CALHM3: variants seen among roughly 807,000 people sequenced by gnomAD.
CALHM3 encodes calcium homeostasis modulator 3, also known as calcium homeostasis modulator protein 3.
A neutral mutation model predicts 13.6 loss-of-function variants in CALHM3; 9 were observed. That is an observed-to-expected ratio of 0.66 (90% CI 0.40 to 1.15). The LOEUF is 1.15. Ranked by LOEUF, CALHM3 falls within the 50% of genes most tolerant of loss-of-function variation. The pLI, the probability that CALHM3 is intolerant of heterozygous loss-of-function variation, is 0.01. For missense variants in CALHM3, 497 were observed against 463.4 expected (o/e 1.07, Z -0.67); for synonymous variants, 231 against 213.2 (o/e 1.08, Z -0.73).
chr10:103,474,153 G>A (rs11191700), intron 2 of CALHM3, among the ~76,000 whole-genome samples: 1,568 of 152,120 alleles, frequency 0.01, 23 homozygotes, highest in African/African-American at 0.036. Context: ...TCAGTCATCC[G>A]TCCTGCCAAC....
At position 103,473,666 on chromosome 10, in the gene CALHM3, C is replaced by G; in HGVS notation, c.582G>C (p.Ala194=). 1 of 1,550,330 alleles carries G rather than the reference C, an allele frequency of 6.5e-7. No individual in the cohort carries two copies. The highest frequency in any genetic ancestry group is 1.2e-5 in the South Asian group (1 of 84,040). The stretch of plus-strand genomic sequence containing the variant: ...GCCTCAGGCAGCGGGCCAGGAAGGC[C>G]GCGATGATCAGCAGCAGGGTGACGC... ...GWSVTLLLII[A]AFLARCLRPC... Residue 194 remains alanine, a synonymous_variant, in exon 3 of 3, where the codon GCG becomes GCC. Coordinates refer to ENST00000369783, the MANE Select transcript of CALHM3 (RefSeq NM_001129742.2).
chr10:103,475,956 C>T (rs1470401246), intron 2 of CALHM3, among the ~76,000 whole-genome samples: 41 of 152,176 alleles, frequency 2.7e-4, no homozygotes, highest in Admixed American at 2.7e-3. Flanking sequence ...TGACTTTGGC[C>T]TTATGAACTA....
intron 1 of CALHM3, 84 bp downstream of exon 1, chr10:103,478,662 T>A: frequency 7.4e-7 from 1 of 1,352,206 alleles, no homozygotes; most frequent in Non-Finnish European, 9.9e-7. Context: ...GGTTGGGGTC[T>A]GGGGGTGCAC....
Position 103,473,360 on chromosome 10 carries a change from C to T in CALHM3, c.888G>A (p.Glu296=). 6.7e-7 allele frequency: 1 copy of T among 1,500,290 alleles called. No homozygotes were observed. The highest frequency in any genetic ancestry group is 2.5e-5 in the East Asian group (1 of 40,178). 92.9% of individuals were successfully genotyped at this position (1,500,290 alleles called of 1,614,324 possible). The change falls in exon 3 of 3, where the codon GAG becomes GAA. Residue 296 remains glutamate (E), a synonymous_variant. Transcript: ENST00000369783. The part of the protein sequence containing the change: ...KAHLRAISSR[E]QVDRLLSTWY... ...ACGTGCTTAGGAGGCGGTCCACCTG[C>T]TCCCGGCTGGAGATTGCGCGCAGGT...
At position 103,473,510 on chromosome 10, in the gene CALHM3, G is replaced by A. The variant is rs1239250411; in HGVS notation, c.738C>T (p.Phe246=). 2.6e-6 allele frequency: 4 copies of A among 1,551,022 alleles called. No individual in the cohort carries two copies. The highest frequency in any genetic ancestry group is 3.5e-6 in the Non-Finnish European group (4 of 1,146,910). The part of the protein sequence containing the change: ...RDFAHRCVLH[F]FASMRSELQA... ...GCAGCTCACTCCGCATGCTGGCAAAGAAGTGCAGCACGCAGCGGTGCGCGA... is the reference window on the plus strand; with the variant it reads ...GCAGCTCACTCCGCATGCTGGCAAAAAAGTGCAGCACGCAGCGGTGCGCGA... Residue 246 remains phenylalanine (F), a synonymous_variant, in exon 3 of 3, where the codon TTC becomes TTT. Coordinates refer to ENST00000369783, the MANE Select transcript of CALHM3 (RefSeq NM_001129742.2).
chr10:103,478,938 TTGACGG>T lies in CALHM3; in HGVS notation c.89_94del (p.Thr30_Val31del). 6.4e-7 allele frequency: 1 copy of T among 1,551,706 alleles called. No individual in the cohort carries two copies. Among genetic ancestry groups the T allele is most frequent in the Non-Finnish European group, 8.7e-7 (1 of 1,146,980 alleles). On this transcript the variant is annotated inframe_deletion, in exon 1 of 3. Transcript: ENST00000369783. Reference sequence around the variant, plus strand: ...GTTGAAGTCAAAGGAGGAGTACAGCTTGACGGTGACCGCAGCCAGCAGCAGGCAGAT... The same window carrying T: ...GTTGAAGTCAAAGGAGGAGTACAGCTTGACCGCAGCCAGCAGCAGGCAGAT...
intron 2 of CALHM3, among the ~76,000 whole-genome samples, chr10:103,475,008 G>T (rs1259300213): frequency 6.6e-6 from 1 of 152,178 alleles, no homozygotes; most frequent in Non-Finnish European, 1.5e-5. Context: ...AAGACTGAAG[G>T]CTGAACGACA....
intron 2 of CALHM3, among the ~76,000 whole-genome samples, chr10:103,475,314 A>C (rs1159459021): frequency 2.0e-5 from 3 of 152,190 alleles, no homozygotes; most frequent in African/African-American, 7.2e-5. Flanking sequence ...CCCCAACATC[A>C]CCAGATTTAA....
At position 103,473,344 on chromosome 10, in the gene CALHM3, G is replaced by A. The variant is rs1449680432; in HGVS notation, c.904C>T (p.Leu302=). 19 of 1,505,828 alleles carry A rather than the reference G, an allele frequency of 1.3e-5. No individual in the cohort carries two copies. The highest frequency in any genetic ancestry group is 2.8e-5 in the African/African-American group (2 of 71,674). 93.3% of individuals were successfully genotyped at this position (1,505,828 alleles called of 1,614,324 possible). The part of the protein sequence containing the change: ...ISSREQVDRL[L]STWYSSKPPL... ...GGCTTGCTGGAGTACCACGTGCTTA[G>A]GAGGCGGTCCACCTGCTCCCGGCTG... is the stretch of plus-strand genomic sequence containing the variant. Residue 302 remains leucine, a synonymous_variant, in exon 3 of 3, where the codon CTA becomes TTA. Coordinates refer to ENST00000369783, the MANE Select transcript of CALHM3 (RefSeq NM_001129742.2).
intron 2 of CALHM3, 82 bp downstream of exon 2, chr10:103,476,212 T>C: frequency 6.6e-7 from 1 of 1,518,696 alleles, no homozygotes; most frequent in South Asian, 1.3e-5. Context: ...CTGTCCCTCC[T>C]CACCACCCCC....
At chr10:103,477,781 C>G (rs2033407118) in intron 1 of CALHM3, among the ~76,000 whole-genome samples, 1 of 152,084 alleles carries the variant, frequency 6.6e-6, no homozygotes, top group African/African-American at 2.4e-5. Context: ...CCATGTTGGC[C>G]AGAGTGGTCT....
intron 1 of CALHM3, among the ~76,000 whole-genome samples, chr10:103,477,083 G>C (rs1206095760): frequency 6.6e-6 from 1 of 152,164 alleles, no homozygotes; most frequent in Admixed American, 6.5e-5. Context: ...GAAGGATTAA[G>C]CCCCAGTTGC....
chr10:103,473,044 CGCT>C lies in CALHM3; in HGVS notation c.*166_*168del. ...AGTCCACATTAAAGTTTGTGAAGCG[CGCT>C]GGAGGCCACACCCAGAAACTAGGCA... On this transcript the variant is annotated 3_prime_UTR_variant, in exon 3 of 3. Coordinates refer to ENST00000369783, the MANE Select transcript of CALHM3 (RefSeq NM_001129742.2). 4.6e-6 allele frequency: 3 copies of C among 649,798 alleles called. No homozygotes were observed. Among genetic ancestry groups the C allele is most frequent in the Non-Finnish European group, 6.6e-6 (3 of 452,482 alleles). 40.3% of individuals were successfully genotyped at this position (649,798 alleles called of 1,614,324 possible). A position where few individuals can be genotyped will look rare whatever the true frequency, so the allele number is the denominator to read the frequency against.
chr10:103,477,289 A>G (rs2133832860), intron 1 of CALHM3, among the ~76,000 whole-genome samples: 1 of 152,230 alleles, frequency 6.6e-6, no homozygotes, highest in South Asian at 2.1e-4. Context: ...TCGACTGGGT[A>G]TTGGCCACAG....
At chr10:103,477,871 C>T (rs956128558) in intron 1 of CALHM3, among the ~76,000 whole-genome samples, 1 of 151,748 alleles carries the variant, frequency 6.6e-6, no homozygotes, top group Non-Finnish European at 1.5e-5. Context: ...CCGCGCCTGG[C>T]CCCCCCACCC....
Position 103,479,137 on chromosome 10 carries a change from G to A in CALHM3, c.-105C>T. 4 of 1,289,042 alleles carry A rather than the reference G, an allele frequency of 3.1e-6. No individual in the cohort carries two copies. The highest frequency in any genetic ancestry group is 4.2e-6 in the Non-Finnish European group (4 of 951,150). 79.9% of individuals were successfully genotyped at this position (1,289,042 alleles called of 1,614,324 possible). On this transcript the variant is annotated 5_prime_UTR_variant, in exon 1 of 3. Coordinates refer to ENST00000369783, the MANE Select transcript of CALHM3 (RefSeq NM_001129742.2). ...GGGACGAGCCTGGGATCTGCAAGAGGTTCTCTCTCTGCTTCCAAGGGCCTG... is the reference window on the plus strand; with the variant it reads ...GGGACGAGCCTGGGATCTGCAAGAGATTCTCTCTCTGCTTCCAAGGGCCTG...
rs990525893 is a variant in CALHM3 at position 103,475,564 on chromosome 10, C to T, written c.543+730G>A. On this transcript the variant is annotated intron_variant, in intron 2 of 2. Coordinates refer to ENST00000369783, the MANE Select transcript of CALHM3 (RefSeq NM_001129742.2). ...GTCCAGAGGGGTAGTCCCATGGCCA[C>T]GGTCACAGTCTGAGCCAGAATCAAG... 4.6e-5 allele frequency among the ~76,000 whole-genome samples: 7 copies of T among 152,208 alleles called. No homozygotes were observed. The South Asian group carries it at 8.3e-4, about 18-fold the overall frequency.
At position 103,478,929 on chromosome 10, in the gene CALHM3, G is replaced by A. The variant is rs1206132176; in HGVS notation, c.104C>T (p.Ser35Phe). 1.9e-6 allele frequency: 3 copies of A among 1,551,778 alleles called. No individual in the cohort carries two copies. Among genetic ancestry groups the A allele is most frequent in the Non-Finnish European group, 2.6e-6 (3 of 1,147,006 alleles). The change falls in exon 1 of 3, where the codon TCC (serine) becomes TTC (phenylalanine). Residue 35 changes from serine to phenylalanine, a missense_variant. Physicochemically the swap from Ser to Phe is radical, Grantham distance 155. Transcript: ENST00000369783. The part of the protein sequence containing the change: ...LLAAVTVKLY[S>F]SFDFNCPCLV... ...GCAGGGACAGTTGAAGTCAAAGGAG[G>A]AGTACAGCTTGACGGTGACCGCAGC...
rs763206598 is a variant in CALHM3, at chr10:103,478,860, G to A, written c.173C>T (p.Thr58Met). ...GCAGAGAAACAGGGCGAGCGGGGGC[G>A]TCAGCAGCAGGCCCAGGCCGTAGAG... is the stretch of plus-strand genomic sequence containing the variant. ...NALYGLGLLLTPPLALFLCGL... is the reference protein window; with the variant it reads ...NALYGLGLLLMPPLALFLCGL... Residue 58 changes from threonine to methionine, a missense_variant, in exon 1 of 3, where the codon ACG becomes ATG. Coordinates refer to ENST00000369783, the MANE Select transcript of CALHM3 (RefSeq NM_001129742.2). 36 of 1,551,612 alleles carry A rather than the reference G, an allele frequency of 2.3e-5. No homozygotes were observed. The highest frequency in any genetic ancestry group is 8.2e-5 in the African/African-American group (6 of 73,082).
Sources: allele counts gnomAD v4.1 joint callset (sites outside exome capture counted in the v4.1 genomes callset), GRCh38; gene constraint gnomAD v4.1.1; transcripts MANE v1.5; gene names NCBI Gene and HGNC (gene_info 2026-07-23, HGNC 2026-07-21).